SMG6: variants seen among roughly 807,000 people sequenced by gnomAD.
SMG6 encodes the protein SMG6 nonsense mediated mRNA decay factor.
SMG6 carries 66 observed loss-of-function variants against 142.2 expected under a neutral mutation model. The observed-to-expected ratio is 0.46, with a 90% confidence interval of 0.38 to 0.57. SMG6 has a LOEUF of 0.57. SMG6 is among the 20% of genes least tolerant of loss of function. SMG6 has a pLI of 0.00. For synonymous variants in SMG6, 779 were observed against 702.4 expected, an observed-to-expected ratio of 1.11 and a Z score of -1.72; for missense variants, 1,793 against 1,832.0, an observed-to-expected ratio of 0.98 and a Z score of 0.39.
chr17:2,208,942 G>A (rs2072767799), intron 10 of SMG6, among the ~76,000 whole-genome samples: 1 of 152,202 alleles, frequency 6.6e-6, no homozygotes, highest in Non-Finnish European at 1.5e-5. Flanking sequence ...CACTTTGGGA[G>A]GCTGAAGTGG....
At chr17:2,065,281 T>G in intron 17 of SMG6, 127 bp from the exon 18 acceptor site, 4 of 967,296 alleles carry the variant, frequency 4.1e-6, no homozygotes, top group Non-Finnish European at 6.4e-6. Flanking sequence ...ATGCATGCGC[T>G]GGCCCTGCCT....
rs761018026 is a variant in SMG6 at position 2,299,562 on chromosome 17, C to T, written c.1191G>A (p.Pro397=). Residue 397 remains proline (P), a synonymous_variant, in exon 2 of 19, where the codon CCG becomes CCA. Coordinates refer to ENST00000263073, the MANE Select transcript of SMG6 (RefSeq NM_017575.5). The surrounding 1 kb of genome is among the most constrained non-coding windows in gnomAD (Gnocchi z 4.3). ...GACCACGACCCCGAAGTTCTTGTTT[C>T]GGGTTTTTGGACTCCTGCTTCTCAG... The part of the protein sequence containing the change: ...KGSEKQESKN[P]KQELRGRGRG... The T allele has an allele frequency of 1.2e-5, 20 of 1,614,118 alleles. 1 individual carries two copies. The South Asian group carries it at 2.1e-4, about 17-fold the overall frequency.
chr17:2,113,679 T>C (rs1362369919), intron 13 of SMG6, among the ~76,000 whole-genome samples: 1 of 152,234 alleles, frequency 6.6e-6, no homozygotes, highest in African/African-American at 2.4e-5. Flanking sequence ...TACTCCATTC[T>C]GGAGATCTTA....
chr17:2,176,765 G>A (rs1003376797), intron 12 of SMG6, among the ~76,000 whole-genome samples: 2 of 152,190 alleles, frequency 1.3e-5, no homozygotes, highest in Non-Finnish European at 2.9e-5. Context: ...GCCCTGGCTG[G>A]AGTCGGAAAG....
chr17:2,196,421 C>A (rs2072328915), intron 10 of SMG6, among the ~76,000 whole-genome samples: 1 of 151,868 alleles, frequency 6.6e-6, no homozygotes, highest in Non-Finnish European at 1.5e-5. Flanking sequence ...AACTCTGTCT[C>A]AAAAAAACAA....
At chr17:2,279,541 C>A (rs977974213) in intron 8 of SMG6, among the ~76,000 whole-genome samples, 2 of 152,172 alleles carry the variant, frequency 1.3e-5, no homozygotes, top group Non-Finnish European at 2.9e-5. Context: ...AGGAATAAAT[C>A]TGAAAAGACC....
chr17:2,287,138 C>T (rs2074925617), intron 6 of SMG6, among the ~76,000 whole-genome samples: 1 of 151,824 alleles, frequency 6.6e-6, no homozygotes, highest in Non-Finnish European at 1.5e-5. Context: ...TCATCGTGGT[C>T]TCAATCTCTT....
chr17:2,130,951 C>T (rs1345933373), intron 13 of SMG6, among the ~76,000 whole-genome samples: 1 of 151,862 alleles, frequency 6.6e-6, no homozygotes, highest in Admixed American at 6.6e-5. Context: ...TGCAGTGAGC[C>T]GAGATCACGC....
chr17:2,085,365 G>A lies in SMG6; in HGVS notation c.3534+360C>T, dbSNP rs987093167. Among the ~76,000 whole-genome samples the A allele has an allele frequency of 6.6e-6, 1 of 152,186 alleles. No homozygotes were observed. The highest frequency in any genetic ancestry group is 2.4e-5 in the African/African-American group (1 of 41,432). Reference sequence around the variant, plus strand: ...TCCTGTACGTGTGCTGGAGGCTGGAGTTCAGGCCTGTGCTGCATTGGGCTC... The same window carrying A: ...TCCTGTACGTGTGCTGGAGGCTGGAATTCAGGCCTGTGCTGCATTGGGCTC... On this transcript the variant is annotated intron_variant, in intron 14 of 18. Coordinates refer to ENST00000263073, the MANE Select transcript of SMG6 (RefSeq NM_017575.5). This position sits in a 1 kb window ranked among gnomAD's most constrained non-coding sequence, Gnocchi z 4.1.
chr17:2,228,901 G>C (rs2073391022), intron 10 of SMG6, among the ~76,000 whole-genome samples: 1 of 151,914 alleles, frequency 6.6e-6, no homozygotes, highest in Non-Finnish European at 1.5e-5. Flanking sequence ...CCTTCTTTCA[G>C]ATGTTTTATA....
chr17:2,269,254 A>G (rs2074494819), intron 8 of SMG6, among the ~76,000 whole-genome samples: 1 of 148,462 alleles, frequency 6.7e-6, no homozygotes, highest in Non-Finnish European at 1.5e-5. Flanking sequence ...AGCCGGGTGC[A>G]GTGGTAGGTG....
At chr17:2,089,999 C>T (rs2068669411) in intron 13 of SMG6, among the ~76,000 whole-genome samples, 2 of 151,872 alleles carry the variant, frequency 1.3e-5, no homozygotes, top group African/African-American at 4.8e-5. Flanking sequence ...GCCTGGACAA[C>T]ATGGTGAAAC....
chr17:2,266,219 T>C, intron 8 of SMG6: 1 of 981,276 alleles, frequency 1.0e-6, no homozygotes, highest in Non-Finnish European at 1.2e-6. Flanking sequence ...GGATGGTAAC[T>C]AAAGGTCACG....
intron 8 of SMG6, among the ~76,000 whole-genome samples, chr17:2,279,563 C>A (rs1164318684): frequency 6.6e-6 from 1 of 152,210 alleles, no homozygotes; most frequent in Non-Finnish European, 1.5e-5. Context: ...TTATGAACTT[C>A]TTTCCATAGT....
intron 10 of SMG6, among the ~76,000 whole-genome samples, chr17:2,229,686 C>T (rs1454943951): frequency 1.3e-5 from 2 of 152,160 alleles, no homozygotes; most frequent in African/African-American, 4.8e-5. Flanking sequence ...TTACTGGTCA[C>T]GCCCTCTGAA....
At position 2,300,031 on chromosome 17, in the gene SMG6, G is replaced by A. The variant is rs776004316; in HGVS notation, c.722C>T (p.Ala241Val). 2 of 1,614,162 alleles carry A rather than the reference G, an allele frequency of 1.2e-6. No individual in the cohort carries two copies. The highest frequency in any genetic ancestry group is 8.5e-7 in the Non-Finnish European group (1 of 1,180,036). ...TTTGTCTGAGCGGGAGTAGCGCTTT[G>A]CGGAGCCCGGCCTCCCGCGGGCTGG... Reference protein sequence around the residue: ...DDPARGRPGSAKRYSRSDKRR... With the variant: ...DDPARGRPGSVKRYSRSDKRR... The change falls in exon 2 of 19, where the codon GCA (alanine) becomes GTA (valine). Residue 241 changes from alanine to valine, a missense_variant. Transcript: ENST00000263073.
chr17:2,246,494 T>C (rs1461472043), intron 8 of SMG6, among the ~76,000 whole-genome samples: 2 of 152,252 alleles, frequency 1.3e-5, no homozygotes, highest in African/African-American at 4.8e-5. Flanking sequence ...ACTTAACCAA[T>C]GATCAACATC....
intron 10 of SMG6, among the ~76,000 whole-genome samples, chr17:2,195,587 T>C (rs1000501934): frequency 2.0e-5 from 3 of 152,228 alleles, no homozygotes; most frequent in Non-Finnish European, 4.4e-5. Flanking sequence ...CTCATAATAG[T>C]AGGCACACTT....
chr17:2,087,075 C>A, intron 13 of SMG6: 1 of 1,290,494 alleles, frequency 7.7e-7, no homozygotes, highest in Non-Finnish European at 1.0e-6. Context: ...AAGTACTAAC[C>A]TGGAGACTAC....
Sources: allele counts gnomAD v4.1 joint callset (sites outside exome capture counted in the v4.1 genomes callset), GRCh38; gene constraint gnomAD v4.1.1; non-coding constraint Gnocchi (gnomAD v3.1); transcripts MANE v1.5; gene names NCBI Gene and HGNC (gene_info 2026-07-23, HGNC 2026-07-21).